The following RANBP17 variants were observed in gnomAD, a reference collection of about 807,000 sequenced individuals.
The protein encoded by RANBP17 is RAN binding protein 17.
RANBP17 carries 158 observed loss-of-function variants against 141.2 expected under a neutral mutation model. The observed-to-expected ratio is 1.12, with a 90% CI of 0.98 to 1.28. The LOEUF (loss-of-function observed/expected upper bound fraction) is 1.28, where lower values mean the gene tolerates loss of function less well. RANBP17 is among the 50% of genes most tolerant of loss of function. The probability of loss-of-function intolerance (pLI) is 0.00; values close to 1 mark genes in which losing one functional copy is unlikely to be tolerated. For synonymous variants in RANBP17, 430 were observed against 450.0 expected (o/e 0.96, Z 0.56); for missense variants, 1,438 against 1,290.7 (o/e 1.11, Z -1.75).
chr5:171,165,792 G>T (rs563444946), intron 14 of RANBP17, among the ~76,000 whole-genome samples: 3 of 152,112 alleles, frequency 2.0e-5, no homozygotes, highest in African/African-American at 7.2e-5. Context: ...AGAAGTGCCC[G>T]TAACAGGCTG....
chr5:171,088,133 T>C (rs1785843331), intron 14 of RANBP17, among the ~76,000 whole-genome samples: 1 of 152,066 alleles, frequency 6.6e-6, no homozygotes, highest in Non-Finnish European at 1.5e-5. Context: ...TAGTGCTTCC[T>C]TCAGGAGCTC....
intron 14 of RANBP17, among the ~76,000 whole-genome samples, chr5:171,064,097 C>G (rs138497047): frequency 0.017 from 2,660 of 152,366 alleles, 69 homozygotes; most frequent in African/African-American, 0.06. Context: ...AGGGAACTCC[C>G]TGACCCCTTG....
chr5:171,206,222 C>T (rs1001447528), intron 20 of RANBP17: 4 of 159,850 alleles, frequency 2.5e-5, no homozygotes, highest in Non-Finnish European at 4.1e-5. Context: ...TAGACAGACC[C>T]GGCTTAAAAT....
chr5:170,927,887 A>C (rs1773055373), intron 12 of RANBP17, among the ~76,000 whole-genome samples: 1 of 152,038 alleles, frequency 6.6e-6, no homozygotes. Context: ...TTGGATAGGT[A>C]CCTAAGATGA....
intron 5 of RANBP17, among the ~76,000 whole-genome samples, chr5:170,907,597 G>A (rs1336698895): frequency 6.6e-6 from 1 of 151,870 alleles, no homozygotes; most frequent in Non-Finnish European, 1.5e-5. Flanking sequence ...AGAGTGAGAA[G>A]TTAGTCTAAG....
At chr5:171,220,441 C>CTTTT (rs1173697219) in intron 21 of RANBP17, among the ~76,000 whole-genome samples, 48 of 73,026 alleles carry the variant, frequency 6.6e-4, no homozygotes, top group African/African-American at 1.2e-3. Context: ...CCAGATGATT[C>CTTTT]TTTTTTTTTT....
intron 14 of RANBP17, among the ~76,000 whole-genome samples, chr5:171,165,486 G>GTAT (rs904650227): frequency 3.6e-4 from 54 of 152,000 alleles, no homozygotes; most frequent in Middle Eastern, 3.4e-3. Context: ...CCTAAAGTAG[G>GTAT]TATTATTATT....
At chr5:171,209,583 A>T (rs1762760094) in intron 20 of RANBP17, among the ~76,000 whole-genome samples, 1 of 152,218 alleles carries the variant, frequency 6.6e-6, no homozygotes, top group Non-Finnish European at 1.5e-5. Context: ...AGTTGATCAC[A>T]CATGACTAAT....
intron 18 of RANBP17, among the ~76,000 whole-genome samples, chr5:171,186,594 T>C (rs1309276258): frequency 8.6e-6 from 1 of 115,774 alleles, no homozygotes; most frequent in Non-Finnish European, 1.6e-5. Flanking sequence ...TGGAGTGCAG[T>C]GGTGCGATCT....
chr5:170,933,961 G>A (rs1020649451), intron 12 of RANBP17, among the ~76,000 whole-genome samples: 41 of 152,064 alleles, frequency 2.7e-4, no homozygotes, highest in African/African-American at 9.2e-4. Context: ...TCAATTCCTG[G>A]ATATCCTTGT....
intron 14 of RANBP17, among the ~76,000 whole-genome samples, chr5:170,980,823 A>G (rs1418151340): frequency 2.6e-5 from 4 of 152,206 alleles, no homozygotes; most frequent in Non-Finnish European, 4.4e-5. Flanking sequence ...GGCATCGTCT[A>G]GTGGAGCTGT....
intron 14 of RANBP17, among the ~76,000 whole-genome samples, chr5:171,058,459 A>T (rs1028424462): frequency 2.7e-5 from 4 of 150,872 alleles, no homozygotes; most frequent in African/African-American, 7.3e-5. Context: ...ATGATTTCCA[A>T]TTTCATCCAT....
At chr5:170,992,304 GTAAAA>G (rs1182725630) in intron 14 of RANBP17, among the ~76,000 whole-genome samples, 1 of 151,942 alleles carries the variant, frequency 6.6e-6, no homozygotes, top group African/African-American at 2.4e-5. Context: ...TTCCTTGCCA[GTAAAA>G]TAAAATAATA....
intron 22 of RANBP17, among the ~76,000 whole-genome samples, chr5:171,231,944 C>T (rs1764232200): frequency 6.6e-6 from 1 of 151,988 alleles, no homozygotes; most frequent in South Asian, 2.1e-4. Context: ...TAGCAAAATG[C>T]TTGAAATAAC....
At chr5:170,925,734 T>C (rs1050998661) in intron 12 of RANBP17, among the ~76,000 whole-genome samples, 8 of 152,130 alleles carry the variant, frequency 5.3e-5, no homozygotes, top group African/African-American at 1.9e-4. Flanking sequence ...CACATGTGTA[T>C]GCATTCCGAA....
chr5:170,870,315 C>T (rs1420915804), intron 1 of RANBP17, among the ~76,000 whole-genome samples: 1 of 152,098 alleles, frequency 6.6e-6, no homozygotes, highest in Non-Finnish European at 1.5e-5. Flanking sequence ...GACCCGTCAC[C>T]TAGGTATTAA....
At chr5:170,983,641 T>C (rs1433215817) in intron 14 of RANBP17, among the ~76,000 whole-genome samples, 9 of 152,190 alleles carry the variant, frequency 5.9e-5, no homozygotes, top group Admixed American at 2.0e-4. Flanking sequence ...GAATCAGATA[T>C]GGAGAGGAGT....
chr5:171,200,689 A>G (rs1344345504), intron 19 of RANBP17, among the ~76,000 whole-genome samples: 1 of 152,196 alleles, frequency 6.6e-6, no homozygotes, highest in East Asian at 1.9e-4. Context: ...CTTCACCAAA[A>G]AAAAGAAAAC....
At chr5:171,203,124 C>A (rs1762391869) in intron 19 of RANBP17, among the ~76,000 whole-genome samples, 1 of 152,150 alleles carries the variant, frequency 6.6e-6, no homozygotes, top group Non-Finnish European at 1.5e-5. Flanking sequence ...AAAACAGCCT[C>A]ACTAAAAATA....
Sources: gnomAD v4.1 joint callset for allele counts (sites outside exome capture counted in the v4.1 genomes callset) on GRCh38, gnomAD v4.1.1 for gene constraint, MANE v1.5 for transcripts, NCBI Gene and HGNC (gene_info 2026-07-23, HGNC 2026-07-21) for gene names.